DYNC1I1: variants seen among roughly 807,000 people sequenced by gnomAD.
The protein encoded by DYNC1I1 is cytoplasmic dynein 1 intermediate chain 1.
DYNC1I1 carries 43 observed loss-of-function variants against 86.6 expected under a neutral mutation model. The observed-to-expected ratio is 0.50, with a 90% CI of 0.39 to 0.64. DYNC1I1 has a LOEUF of 0.64. Ranked by LOEUF, DYNC1I1 falls within the 30% of genes least tolerant of loss-of-function variation. DYNC1I1 has a pLI of 0.00. For missense variants in DYNC1I1, 604 were observed against 788.8 expected, an observed-to-expected ratio of 0.77 and a Z score of 2.81; for synonymous variants, 262 against 283.7, an observed-to-expected ratio of 0.92 and a Z score of 0.77.
chr7:95,971,825 G>A (rs2115590641), intron 6 of DYNC1I1, among the ~76,000 whole-genome samples: 1 of 152,178 alleles, frequency 6.6e-6, no homozygotes, highest in Admixed American at 6.5e-5. Flanking sequence ...TTCTGCTATG[G>A]GCAGCAGGAG....
At chr7:95,823,867 G>A (rs1795136169) in intron 4 of DYNC1I1, among the ~76,000 whole-genome samples, 1 of 148,188 alleles carries the variant, frequency 6.7e-6, no homozygotes, top group Non-Finnish European at 1.5e-5. Flanking sequence ...TGCGGAAAAT[G>A]AATTTAGGCC....
intron 14 of DYNC1I1, among the ~76,000 whole-genome samples, chr7:96,044,479 T>G (rs1045730377): frequency 2.0e-5 from 3 of 152,002 alleles, no homozygotes; most frequent in African/African-American, 7.2e-5. Context: ...TTCTTGAGAT[T>G]AGAGAGAGCT....
chr7:96,059,234 A>G (rs1186235472), intron 14 of DYNC1I1, among the ~76,000 whole-genome samples: 1 of 152,108 alleles, frequency 6.6e-6, no homozygotes, highest in African/African-American at 2.4e-5. Context: ...CCAGTAGGGC[A>G]CATCACAGCC....
At chr7:96,102,234 C>A (rs953411185), downstream of DYNC1I1, among the ~76,000 whole-genome samples, 7 of 152,176 alleles carry the variant, frequency 4.6e-5, no homozygotes, top group Non-Finnish European at 8.8e-5. Flanking sequence ...TAATCTCTCT[C>A]CCTCTGTAAT....
At chr7:95,954,120 G>A (rs1792634419) in intron 6 of DYNC1I1, among the ~76,000 whole-genome samples, 1 of 151,870 alleles carries the variant, frequency 6.6e-6, no homozygotes, top group Non-Finnish European at 1.5e-5. Context: ...AGGATATTAG[G>A]GAAAAGGGAG....
chr7:95,794,666 T>C (rs994075568), intron 1 of DYNC1I1, among the ~76,000 whole-genome samples: 6 of 152,140 alleles, frequency 3.9e-5, no homozygotes, highest in Non-Finnish European at 7.3e-5. Flanking sequence ...GCCTCTCCTG[T>C]TTAATGTGCT....
chr7:96,003,715 G>T (rs527692204), intron 10 of DYNC1I1, among the ~76,000 whole-genome samples: 1 of 152,100 alleles, frequency 6.6e-6, no homozygotes, highest in African/African-American at 2.4e-5. Context: ...GTGGGCTGTA[G>T]TTGCCCCAGG....
chr7:96,025,371 A>C (rs901129290), intron 10 of DYNC1I1, among the ~76,000 whole-genome samples: 6 of 152,116 alleles, frequency 3.9e-5, no homozygotes, highest in African/African-American at 9.7e-5. Flanking sequence ...TAATATGTTG[A>C]GCTTAAGATA....
chr7:96,057,447 C>G (rs963584974), intron 14 of DYNC1I1, among the ~76,000 whole-genome samples: 2 of 152,132 alleles, frequency 1.3e-5, no homozygotes, highest in African/African-American at 4.8e-5. Flanking sequence ...AGAATTTGGT[C>G]TGTTAAATAA....
At chr7:95,955,915 C>A (rs1394246960) in intron 6 of DYNC1I1, among the ~76,000 whole-genome samples, 2 of 152,022 alleles carry the variant, frequency 1.3e-5, no homozygotes, top group Admixed American at 6.5e-5. Context: ...GATCTTTGAC[C>A]AGAGTGGGAG....
At chr7:95,831,192 A>T (rs959245925) in intron 5 of DYNC1I1, among the ~76,000 whole-genome samples, 2 of 152,176 alleles carry the variant, frequency 1.3e-5, no homozygotes, top group Non-Finnish European at 2.9e-5. Context: ...TTTTCTTAAC[A>T]GTGTCTTTAA....
At chr7:95,930,423 T>A (rs1317994853) in intron 6 of DYNC1I1, among the ~76,000 whole-genome samples, 1 of 152,228 alleles carries the variant, frequency 6.6e-6, no homozygotes, top group Non-Finnish European at 1.5e-5. Context: ...AAGGTTGGGC[T>A]ATTTATATTT....
intron 12 of DYNC1I1, among the ~76,000 whole-genome samples, chr7:96,033,392 T>C (rs536240938): frequency 1.3e-3 from 202 of 152,302 alleles, no homozygotes; most frequent in South Asian, 2.9e-3. Flanking sequence ...TGGGAGAGGC[T>C]GTCAAAGGGA....
intron 16 of DYNC1I1, among the ~76,000 whole-genome samples, chr7:96,093,524 C>G (rs1790907240): frequency 6.6e-6 from 1 of 152,172 alleles, no homozygotes; most frequent in Non-Finnish European, 1.5e-5. Flanking sequence ...ATTTTATTAT[C>G]TCAGGAATCT....
intron 6 of DYNC1I1, among the ~76,000 whole-genome samples, chr7:95,907,539 G>A (rs1241315105): frequency 1.3e-5 from 2 of 152,068 alleles, no homozygotes; most frequent in Non-Finnish European, 2.9e-5. Flanking sequence ...CTGTGGTCTT[G>A]CTCTTCCCTA....
chr7:95,910,773 C>T lies in DYNC1I1; in HGVS notation c.490+40775C>T, dbSNP rs563799227. Among the ~76,000 whole-genome samples, 214 of 152,234 alleles carry T rather than the reference C, an allele frequency of 1.4e-3. 3 individuals are homozygous for T. Among genetic ancestry groups the T allele is most frequent in the Non-Finnish European group, 3.2e-4 (22 of 68,012 alleles). On this transcript the variant is annotated intron_variant, in intron 6 of 16. Coordinates refer to ENST00000447467, the MANE Select transcript of DYNC1I1 (RefSeq NM_001135556.2). ...CTTTGAAAGTACTCAGATTTCTCAC[C>T]TGTTAAAGAGGCAATAGCACCCCTC...
intron 5 of DYNC1I1, among the ~76,000 whole-genome samples, chr7:95,863,299 C>A (rs2706848): frequency 0.62 from 94,264 of 151,906 alleles, 31,001 homozygotes; most frequent in Non-Finnish European, 0.74. Flanking sequence ...CATTTATTTC[C>A]AAGTAAGTAG....
chr7:95,984,685 T>C (rs1046151460), intron 7 of DYNC1I1, 130 bp from the exon 8 acceptor site: 1 of 814,740 alleles, frequency 1.2e-6, no homozygotes, highest in East Asian at 3.0e-5. Context: ...TTAGCAATGA[T>C]TTGTTTCACT....
At chr7:95,839,203 G>A (rs1035473945) in intron 5 of DYNC1I1, among the ~76,000 whole-genome samples, 2 of 151,978 alleles carry the variant, frequency 1.3e-5, no homozygotes, top group African/African-American at 4.8e-5. Context: ...GCTAATTTTT[G>A]TATTTTTAGT....
Sources: gnomAD v4.1 joint callset for allele counts (sites outside exome capture counted in the v4.1 genomes callset) on GRCh38, gnomAD v4.1.1 for gene constraint, MANE v1.5 for transcripts, NCBI Gene and HGNC (gene_info 2026-07-23, HGNC 2026-07-21) for gene names.